Variants in HDAC9 observed in about 807,000 individuals in gnomAD.
HDAC9 encodes the protein histone deacetylase 9.
Under a neutral mutation model 139.4 loss-of-function variants are expected in HDAC9, and 41 were observed. That is an observed-to-expected ratio of 0.29 (90% CI 0.23 to 0.38). The LOEUF (loss-of-function observed/expected upper bound fraction) is 0.38. Ranked by LOEUF, HDAC9 falls within the 10% of genes least tolerant of loss-of-function variation. HDAC9 has a pLI of 1.00. For synonymous variants in HDAC9, 517 were observed against 476.2 expected (o/e 1.09, Z -1.12); for missense variants, 1,147 against 1,297.0 (o/e 0.88, Z 1.78).
chr7:18,891,749 G>T (rs1444977900), intron 22 of HDAC9, among the ~76,000 whole-genome samples: 1 of 152,000 alleles, frequency 6.6e-6, no homozygotes, highest in African/African-American at 2.4e-5. Context: ...CATCAACTTG[G>T]AACCTGAAAA....
In HDAC9 at chr7:18,124,726, T is replaced by G. The variant is rs191625321; in HGVS notation, c.-96-37503T>G. On this transcript the variant is annotated intron_variant, in intron 1 of 12. Transcript: ENST00000417496. ...TATTTAAGAATCCAAGAGATTGATC[T>G]GGTTCCTTCCATTTGCCTTGCCCCC... 2.7e-4 allele frequency among the ~76,000 whole-genome samples: 41 copies of G among 152,266 alleles called. No individual in the cohort carries two copies. In the East Asian group the frequency reaches 7.7e-3, roughly 29 times the overall value.
chr7:18,841,267 CT>C (rs1352992505), intron 21 of HDAC9, among the ~76,000 whole-genome samples: 1 of 151,820 alleles, frequency 6.6e-6, no homozygotes, highest in Admixed American at 6.6e-5. Context: ...TGCATTCACT[CT>C]TTTGGTAATG....
chr7:18,755,053 T>G (rs2129150991), intron 14 of HDAC9, among the ~76,000 whole-genome samples: 1 of 152,248 alleles, frequency 6.6e-6, no homozygotes, highest in South Asian at 2.1e-4. Flanking sequence ...AAATTTTATG[T>G]GTTTGTGCCT....
chr7:18,681,897 T>C (rs17139610), intron 12 of HDAC9, among the ~76,000 whole-genome samples: 2,780 of 152,110 alleles, frequency 0.018, 26 homozygotes, highest in Middle Eastern at 0.051. Flanking sequence ...AAAGAAAATA[T>C]CCTTTGTCTA....
At chr7:18,883,846 C>G (rs1376532107) in intron 22 of HDAC9, among the ~76,000 whole-genome samples, 1 of 151,924 alleles carries the variant, frequency 6.6e-6, no homozygotes, top group Non-Finnish European at 1.5e-5. Context: ...AGTAAACTTG[C>G]AGAATATAAT....
chr7:18,651,259 C>A (rs1326866208), intron 11 of HDAC9, among the ~76,000 whole-genome samples: 1 of 152,118 alleles, frequency 6.6e-6, no homozygotes, highest in Non-Finnish European at 1.5e-5. Flanking sequence ...TTCCCCATTT[C>A]CATGGATGAA....
At chr7:18,589,416 C>T (rs1830337708) in intron 3 of HDAC9, among the ~76,000 whole-genome samples, 1 of 152,042 alleles carries the variant, frequency 6.6e-6, no homozygotes, top group South Asian at 2.1e-4. Context: ...TGCCTGTAAT[C>T]CTAGCAACTT....
chr7:18,715,009 A>T (rs1400509342), intron 12 of HDAC9, among the ~76,000 whole-genome samples: 6 of 152,234 alleles, frequency 3.9e-5, no homozygotes, highest in Non-Finnish European at 8.8e-5. Flanking sequence ...GTTTGAGGAA[A>T]TACTTAGAAA....
chr7:18,385,052 C>A (rs1164268054), intron 1 of HDAC9, among the ~76,000 whole-genome samples: 1 of 152,138 alleles, frequency 6.6e-6, no homozygotes, highest in Non-Finnish European at 1.5e-5. Flanking sequence ...CTTTTCCTGG[C>A]CCACCAATGT....
intron 8 of HDAC9, among the ~76,000 whole-genome samples, chr7:18,640,126 G>A (rs531694133): frequency 6.6e-6 from 1 of 151,858 alleles, no homozygotes; most frequent in East Asian, 1.9e-4. Flanking sequence ...GGCCAGGCAT[G>A]GGGGCTCACA....
At chr7:18,719,278 G>A (rs1259952472) in intron 12 of HDAC9, among the ~76,000 whole-genome samples, 1 of 144,266 alleles carries the variant, frequency 6.9e-6, no homozygotes, top group Non-Finnish European at 1.5e-5. Context: ...GTCCTTTGAA[G>A]CACAACATTT....
chr7:18,464,757 G>A (rs968488564), intron 1 of HDAC9, among the ~76,000 whole-genome samples: 2 of 151,966 alleles, frequency 1.3e-5, no homozygotes, highest in African/African-American at 4.8e-5. Context: ...TTATTTCTGT[G>A]TTATAACACC....
At chr7:18,927,048 T>A (rs1804296372) in intron 22 of HDAC9, among the ~76,000 whole-genome samples, 1 of 152,194 alleles carries the variant, frequency 6.6e-6, no homozygotes, top group African/African-American at 2.4e-5. Context: ...AATCTTAACA[T>A]GAAATGAATC....
At chr7:18,930,145 T>C (rs1804606503) in intron 22 of HDAC9, among the ~76,000 whole-genome samples, 1 of 152,098 alleles carries the variant, frequency 6.6e-6, no homozygotes, top group South Asian at 2.1e-4. Context: ...AGGAAACTGA[T>C]GCCCTATGTG....
At chr7:18,744,550 C>G (rs930240409) in intron 13 of HDAC9, among the ~76,000 whole-genome samples, 1 of 152,054 alleles carries the variant, frequency 6.6e-6, no homozygotes, top group Non-Finnish European at 1.5e-5. Context: ...TTAGGAACTA[C>G]AAATCAGGAT....
chr7:18,766,374 C>T (rs990198260), intron 15 of HDAC9, among the ~76,000 whole-genome samples: 12 of 152,244 alleles, frequency 7.9e-5, no homozygotes, highest in Admixed American at 2.0e-4. Flanking sequence ...AAAATAATTA[C>T]TAAAAATCCC....
chr7:18,481,469 A>G (rs984866155), intron 1 of HDAC9, among the ~76,000 whole-genome samples: 1 of 152,220 alleles, frequency 6.6e-6, no homozygotes. Flanking sequence ...TCAAATGGAT[A>G]TTAACTACAA....
intron 1 of HDAC9, among the ~76,000 whole-genome samples, chr7:18,377,599 A>C (rs1785094327): frequency 6.6e-6 from 1 of 152,202 alleles, no homozygotes; most frequent in Non-Finnish European, 1.5e-5. Flanking sequence ...AAATCTTCTA[A>C]CCAAAGTGAA....
chr7:18,354,046 A>G (rs2128678026), intron 1 of HDAC9, among the ~76,000 whole-genome samples: 1 of 152,228 alleles, frequency 6.6e-6, no homozygotes, highest in East Asian at 1.9e-4. Context: ...GACTTAGCAA[A>G]TTCTGGGTTG....
Sources: allele counts gnomAD v4.1 joint callset (sites outside exome capture counted in the v4.1 genomes callset), GRCh38; gene constraint gnomAD v4.1.1; transcripts MANE v1.5; gene names NCBI Gene and HGNC (gene_info 2026-07-23, HGNC 2026-07-21).